EFR3A: variants seen among roughly 807,000 people sequenced by gnomAD.
EFR3A encodes the protein EFR3 homolog A.
EFR3A carries 76 observed loss-of-function variants against 104.4 expected under a neutral mutation model. The observed-to-expected ratio is 0.73, with a 90% CI of 0.60 to 0.88. EFR3A has a LOEUF of 0.88. EFR3A is among the 40% of genes least tolerant of loss of function. The pLI, the probability that EFR3A is intolerant of heterozygous loss-of-function variation, is 0.00. For missense variants in EFR3A, 985 were observed against 1,012.5 expected (o/e 0.97, Z 0.37); for synonymous variants, 330 against 330.0 (o/e 1.00, Z 0.00).
chr8:131,984,349 A>C, intron 15 of EFR3A, 49 bp downstream of exon 15: 1 of 1,450,034 alleles, frequency 6.9e-7, no homozygotes, highest in Non-Finnish European at 9.1e-7. Context: ...TATAAAGCAG[A>C]CAACATCTTT....
intron 1 of EFR3A, 23 bp from the exon 2 acceptor site, chr8:131,940,476 C>T (rs766745677): frequency 1.3e-6 from 2 of 1,502,086 alleles, no homozygotes; most frequent in Non-Finnish European, 1.8e-6. Context: ...ATCTGTATTT[C>T]TTGATTTTTT....
intron 14 of EFR3A, among the ~76,000 whole-genome samples, chr8:131,982,349 G>GTAT (rs1477666560): frequency 6.6e-6 from 1 of 151,980 alleles, no homozygotes; most frequent in African/African-American, 2.4e-5. Context: ...GGCTTCGATA[G>GTAT]TATTCCATGA....
intron 17 of EFR3A, 49 bp from the exon 18 acceptor site, chr8:131,987,526 T>C (rs749898000): frequency 1.4e-5 from 22 of 1,531,696 alleles, no homozygotes; most frequent in Non-Finnish European, 1.8e-5. Flanking sequence ...AACTTATTTT[T>C]GCTCAGTAAT....
chr8:131,953,776 T>G (rs1471199020), intron 5 of EFR3A, 42 bp from the exon 6 acceptor site: 16 of 1,490,640 alleles, frequency 1.1e-5, no homozygotes, highest in Non-Finnish European at 1.4e-5. Context: ...TTTAAATAAT[T>G]TTTTTATGGC....
At chr8:131,912,001 G>C (rs58545698) in intron 1 of EFR3A, among the ~76,000 whole-genome samples, 1 of 152,178 alleles carries the variant, frequency 6.6e-6, no homozygotes, top group African/African-American at 2.4e-5. Context: ...GGGGAAAAAG[G>C]GTTCTGGTTT....
At chr8:132,009,067 T>C (rs374462346) in intron 22 of EFR3A, among the ~76,000 whole-genome samples, 1 of 151,822 alleles carries the variant, frequency 6.6e-6, no homozygotes, top group East Asian at 1.9e-4. Flanking sequence ...TTACCAAAAA[T>C]AGATATACCA....
At chr8:131,975,304 A>C (rs925774142) in intron 10 of EFR3A, among the ~76,000 whole-genome samples, 1 of 152,122 alleles carries the variant, frequency 6.6e-6, no homozygotes. Flanking sequence ...CTTCTTTACC[A>C]GACAATGTGT....
intron 12 of EFR3A, 84 bp from the exon 13 acceptor site, chr8:131,978,763 T>C: frequency 9.3e-7 from 1 of 1,078,928 alleles, no homozygotes; most frequent in Admixed American, 3.6e-5. Context: ...TTTCCTAAGT[T>C]TATGGTTCTT....
intron 7 of EFR3A, among the ~76,000 whole-genome samples, chr8:131,957,069 TAGAACTTAAA>T (rs1397819241): frequency 6.6e-6 from 1 of 152,160 alleles, no homozygotes. Flanking sequence ...CTTTTCTACA[TAGAACTTAAA>T]ATTTCTGATC....
chr8:131,940,673 A>G, intron 2 of EFR3A, 98 bp downstream of exon 2: 1 of 1,472,136 alleles, frequency 6.8e-7, no homozygotes, highest in Non-Finnish European at 9.0e-7. Context: ...CTCTACTTTT[A>G]CCCTTACATC....
chr8:131,938,125 C>G (rs1817997608), intron 1 of EFR3A: 1 of 393,426 alleles, frequency 2.5e-6, no homozygotes. Flanking sequence ...TCTGTGCCCT[C>G]TGCTAATTAA....
chr8:131,936,556 C>T (rs1480303185), intron 1 of EFR3A, among the ~76,000 whole-genome samples: 1 of 152,112 alleles, frequency 6.6e-6, no homozygotes, highest in East Asian at 1.9e-4. Flanking sequence ...GTCTCTGTCT[C>T]TCTCTCAAGA....
At chr8:131,924,114 T>C in intron 1 of EFR3A, 1 of 445,040 alleles carries the variant, frequency 2.2e-6, no homozygotes, top group Non-Finnish European at 4.5e-6. Flanking sequence ...CTTATTAGAT[T>C]GTTTCTTGTG....
intron 19 of EFR3A, among the ~76,000 whole-genome samples, chr8:131,997,322 G>A (rs931484474): frequency 2.6e-5 from 4 of 152,038 alleles, no homozygotes; most frequent in Admixed American, 2.0e-4. Flanking sequence ...TAGGGAAAGG[G>A]AAAGGAAGTT....
intron 18 of EFR3A, among the ~76,000 whole-genome samples, chr8:131,992,431 A>AC (rs1821237570): frequency 6.6e-6 from 1 of 152,130 alleles, no homozygotes; most frequent in South Asian, 2.1e-4. Flanking sequence ...ATGCAGTAGA[A>AC]CCTGGATGAC....
intron 1 of EFR3A, among the ~76,000 whole-genome samples, chr8:131,928,303 C>T (rs939121244): frequency 6.6e-6 from 1 of 152,030 alleles, no homozygotes; most frequent in East Asian, 1.9e-4. Flanking sequence ...TTTTCTTATA[C>T]GTTCGACATT....
intron 22 of EFR3A, among the ~76,000 whole-genome samples, chr8:132,005,381 T>G (rs2130812845): frequency 6.6e-6 from 1 of 151,760 alleles, no homozygotes; most frequent in Non-Finnish European, 1.5e-5. Flanking sequence ...TATACTTCGC[T>G]CCCACTGTTC....
intron 19 of EFR3A, 118 bp from the exon 20 acceptor site, chr8:132,001,641 A>T (rs1224257510): frequency 2.5e-6 from 2 of 800,516 alleles, no homozygotes; most frequent in East Asian, 5.0e-5. Context: ...CACAGCTCAG[A>T]CCCAACACAA....
chr8:131,973,736 T>C (rs1032153445), intron 10 of EFR3A, among the ~76,000 whole-genome samples: 1 of 152,224 alleles, frequency 6.6e-6, no homozygotes, highest in African/African-American at 2.4e-5. Flanking sequence ...CCAACTTCTC[T>C]TTCTTTTAAA....
Sources: gnomAD v4.1 joint callset for allele counts (sites outside exome capture counted in the v4.1 genomes callset) on GRCh38, gnomAD v4.1.1 for gene constraint, MANE v1.5 for transcripts, NCBI Gene and HGNC (gene_info 2026-07-23, HGNC 2026-07-21) for gene names.